Variants in CSMD1 observed in about 807,000 individuals in gnomAD.
The protein encoded by CSMD1 is CUB and Sushi multiple domains 1.
Under a neutral mutation model 417.5 loss-of-function variants are expected in CSMD1, and 213 were observed. The ratio of observed to expected loss-of-function variants is 0.51; its 90% CI spans 0.46 to 0.57. The LOEUF (loss-of-function observed/expected upper bound fraction) is 0.57. Ranked by LOEUF, CSMD1 falls within the 20% of genes least tolerant of loss-of-function variation. CSMD1 has a pLI of 0.00. For synonymous variants in CSMD1, 2,862 were observed against 1,736.8 expected (o/e 1.65, Z -16.11); for missense variants, 6,923 against 4,529.7 (o/e 1.53, Z -15.17).
chr8:4,073,046 G>C (rs1364261518), intron 3 of CSMD1, among the ~76,000 whole-genome samples: 1 of 152,148 alleles, frequency 6.6e-6, no homozygotes, highest in Non-Finnish European at 1.5e-5. Flanking sequence ...GTGTAGCGTA[G>C]ATGATAGTCA....
At chr8:4,689,200 G>A (rs560069740) in intron 1 of CSMD1, among the ~76,000 whole-genome samples, 2 of 152,266 alleles carry the variant, frequency 1.3e-5, no homozygotes, top group East Asian at 1.9e-4. Context: ...ATTCTTTTGT[G>A]TTCAGATCCT....
At chr8:2,998,538 T>G (rs1395433543) in intron 53 of CSMD1, among the ~76,000 whole-genome samples, 1 of 152,154 alleles carries the variant, frequency 6.6e-6, no homozygotes, top group African/African-American at 2.4e-5. Flanking sequence ...TAATCATGAG[T>G]TTTGAACATT....
At chr8:3,341,232 T>C (rs1563289707) in intron 23 of CSMD1, among the ~76,000 whole-genome samples, 1 of 152,052 alleles carries the variant, frequency 6.6e-6, no homozygotes, top group South Asian at 2.1e-4. Flanking sequence ...CGACCACCTA[T>C]AGTTTCCATA....
rs567015724 is a variant in CSMD1 at position 3,488,142 on chromosome 8, G to A, written c.1448+5481C>T. On this transcript the variant is annotated intron_variant, in intron 11 of 69. Coordinates refer to ENST00000635120, the MANE Select transcript of CSMD1 (RefSeq NM_033225.6). ...TTTTGAAATAGTGTCTTGCTCTGTT[G>A]CTCAGGCTGGAGTGCAGTGGGGTCA... Among the ~76,000 whole-genome samples the A allele has an allele frequency of 5.0e-4, 75 of 150,028 alleles. 1 individual carries two copies. The highest frequency in any genetic ancestry group is 8.6e-4 in the Non-Finnish European group (58 of 67,666).
rs146468031 is a variant in CSMD1, at chr8:2,980,315, TCTCCTCCTC to T, written c.8378-1524_8378-1516del. On this transcript the variant is annotated intron_variant, in intron 54 of 69. Transcript: ENST00000635120. ...GCCAGATTGAGCTGATGCCACCATT[TCTCCTCCTC>T]CTCCTCCTCCTCCTCCTCCATTTCC... 8.5e-4 allele frequency among the ~76,000 whole-genome samples: 127 copies of T among 148,980 alleles called. 1 individual carries two copies. The South Asian group carries it at 0.011, about 13-fold the overall frequency.
intron 1 of CSMD1, among the ~76,000 whole-genome samples, chr8:4,862,703 G>A (rs1802206657): frequency 6.6e-6 from 1 of 152,038 alleles, no homozygotes; most frequent in East Asian, 1.9e-4. Context: ...GCAAGGCCAT[G>A]GGAGGAACTG....
intron 3 of CSMD1, among the ~76,000 whole-genome samples, chr8:4,047,208 G>A (rs2554556): frequency 6.6e-6 from 1 of 152,108 alleles, no homozygotes; most frequent in African/African-American, 2.4e-5. Flanking sequence ...AGTAACTCAT[G>A]TGTATTTCAG....
chr8:4,173,429 G>C (rs951516900), intron 3 of CSMD1, among the ~76,000 whole-genome samples: 3 of 152,076 alleles, frequency 2.0e-5, no homozygotes, highest in African/African-American at 7.2e-5. Context: ...AGAGGTAAAG[G>C]TCACCAGAGG....
intron 4 of CSMD1, among the ~76,000 whole-genome samples, chr8:4,022,207 G>A (rs941830072): frequency 2.8e-5 from 4 of 144,448 alleles, no homozygotes; most frequent in Non-Finnish European, 6.0e-5. Flanking sequence ...TATAACAATA[G>A]CATTGTTATT....
chr8:2,969,932 T>G (rs1400536848), intron 57 of CSMD1, among the ~76,000 whole-genome samples: 1 of 152,190 alleles, frequency 6.6e-6, no homozygotes, highest in African/African-American at 2.4e-5. Context: ...TAATGCAGTT[T>G]TAGAAGTAAT....
intron 1 of CSMD1, among the ~76,000 whole-genome samples, chr8:4,683,159 T>C (rs1371798480): frequency 6.6e-6 from 1 of 151,904 alleles, no homozygotes; most frequent in African/African-American, 2.4e-5. Context: ...GATCTGTTAA[T>C]GTTTTTACAA....
chr8:4,774,879 A>C (rs1254701263), intron 1 of CSMD1, among the ~76,000 whole-genome samples: 1 of 152,148 alleles, frequency 6.6e-6, no homozygotes, highest in Non-Finnish European at 1.5e-5. Flanking sequence ...GCCATGACTG[A>C]AAGTTACCTG....
chr8:3,855,251 G>A (rs891787335), intron 5 of CSMD1, among the ~76,000 whole-genome samples: 39 of 152,076 alleles, frequency 2.6e-4, no homozygotes, highest in Admixed American at 1.3e-4. Flanking sequence ...AATAACCATA[G>A]ATTTTTACTA....
intron 47 of CSMD1, among the ~76,000 whole-genome samples, chr8:3,093,708 C>T (rs1271949746): frequency 6.6e-6 from 1 of 151,952 alleles, no homozygotes; most frequent in African/African-American, 2.4e-5. Flanking sequence ...CAATTTATGG[C>T]ACTTTGTCAT....
intron 7 of CSMD1, among the ~76,000 whole-genome samples, chr8:3,665,423 G>A (rs1218099839): frequency 5.9e-5 from 9 of 152,186 alleles, no homozygotes; most frequent in East Asian, 1.9e-4. Flanking sequence ...CAGCTACTCC[G>A]GAGGCTGAGG....
intron 8 of CSMD1, among the ~76,000 whole-genome samples, chr8:3,607,710 C>G (rs530223804): frequency 6.6e-6 from 1 of 152,168 alleles, no homozygotes; most frequent in Non-Finnish European, 1.5e-5. Context: ...AAAAATTTTA[C>G]GGAGAACTAT....
rs566396199 is a variant in CSMD1 at position 4,735,086 on chromosome 8, G to C, written c.86-97528C>G. On this transcript the variant is annotated intron_variant, in intron 1 of 69. Transcript: ENST00000635120. ...GCAAATTGCTGCTCGTTAAAATTTG[G>C]GAAAGTTTCCGCAGGGAAGAGCAAA... Among the ~76,000 whole-genome samples, 6 of 152,282 alleles carry C rather than the reference G, an allele frequency of 3.9e-5. No individual in the cohort carries two copies. In the South Asian group the frequency reaches 1.2e-3, roughly 32 times the overall value.
intron 23 of CSMD1, among the ~76,000 whole-genome samples, chr8:3,325,046 A>T (rs1305534941): frequency 6.6e-6 from 1 of 152,208 alleles, no homozygotes; most frequent in African/African-American, 2.4e-5. Flanking sequence ...GAATTTGTGG[A>T]GCAGAGAAAA....
At chr8:3,886,766 C>T (rs537504576) in intron 5 of CSMD1, among the ~76,000 whole-genome samples, 1 of 152,112 alleles carries the variant, frequency 6.6e-6, no homozygotes, top group Non-Finnish European at 1.5e-5. Context: ...AGGACACAGA[C>T]TTAGGGACAG....
Sources: gnomAD v4.1 joint callset for allele counts (sites outside exome capture counted in the v4.1 genomes callset) on GRCh38, gnomAD v4.1.1 for gene constraint, MANE v1.5 for transcripts, NCBI Gene and HGNC (gene_info 2026-07-23, HGNC 2026-07-21) for gene names.